Variants in NTMT2 observed in about 807,000 individuals in gnomAD.
NTMT2 encodes the protein N-terminal Xaa-Pro-Lys N-methyltransferase 2, also known as X-Pro-Lys N-terminal protein methyltransferase 1B.
A neutral mutation model predicts 23.4 loss-of-function variants in NTMT2; 21 were observed. That is an observed-to-expected ratio of 0.90 (90% CI 0.64 to 1.29). NTMT2 has a LOEUF of 1.29. Among genes scored for constraint, NTMT2 ranks in the 50% most tolerant of loss-of-function variants. The pLI, the probability that NTMT2 is intolerant of heterozygous loss-of-function variation, is 0.00. For missense variants in NTMT2, 336 were observed against 352.0 expected (o/e 0.95, Z 0.36); for synonymous variants, 131 against 127.7 (o/e 1.03, Z -0.17).
At chr1:170,165,279 G>A (rs765552155) in intron 2 of NTMT2, among the ~76,000 whole-genome samples, 5 of 152,158 alleles carry the variant, frequency 3.3e-5, no homozygotes, top group African/African-American at 7.2e-5. Flanking sequence ...GAAAGTTTGC[G>A]TAGGCTGATT....
intron 2 of NTMT2, among the ~76,000 whole-genome samples, chr1:170,165,661 T>C (rs1268004236): frequency 1.3e-5 from 2 of 152,250 alleles, no homozygotes; most frequent in African/African-American, 2.4e-5. Flanking sequence ...CTGAAATGTT[T>C]CCATTGAATG....
At chr1:170,151,070 T>C (rs543480827) in intron 1 of NTMT2, among the ~76,000 whole-genome samples, 1 of 152,288 alleles carries the variant, frequency 6.6e-6, no homozygotes, top group Non-Finnish European at 1.5e-5. Context: ...TTAGCCCAAC[T>C]TCATGTGTAG....
At chr1:170,155,709 A>C (rs2102234651) in intron 1 of NTMT2, among the ~76,000 whole-genome samples, 1 of 152,248 alleles carries the variant, frequency 6.6e-6, no homozygotes, top group Middle Eastern at 3.4e-3. Context: ...CAACCACTTG[A>C]AAAAAGAAGA....
chr1:170,166,009 C>A (rs983349174), intron 2 of NTMT2, among the ~76,000 whole-genome samples: 1 of 151,466 alleles, frequency 6.6e-6, no homozygotes, highest in Middle Eastern at 3.4e-3. Flanking sequence ...AGGTGCATGG[C>A]TATTCACATT....
chr1:170,160,496 A>AT, intron 1 of NTMT2, 22 bp from the exon 2 acceptor site: 1 of 1,493,766 alleles, frequency 6.7e-7, no homozygotes, highest in South Asian at 1.4e-5. Flanking sequence ...ATTAATACCT[A>AT]TTAATAATGT....
At chr1:170,165,049 C>T (rs1029791598) in intron 2 of NTMT2, among the ~76,000 whole-genome samples, 2 of 151,466 alleles carry the variant, frequency 1.3e-5, no homozygotes, top group Non-Finnish European at 2.9e-5. Context: ...TTGTATTTTA[C>T]CTTTGATCCT....
Sources: gnomAD v4.1 joint callset for allele counts (sites outside exome capture counted in the v4.1 genomes callset) on GRCh38, gnomAD v4.1.1 for gene constraint, MANE v1.5 for transcripts, NCBI Gene and HGNC (gene_info 2026-07-23, HGNC 2026-07-21) for gene names.